The following ST18 variants were observed in gnomAD, a reference collection of about 807,000 sequenced individuals.
ST18 encodes suppression of tumorigenicity 18 protein.
In ST18, 50 loss-of-function variants were observed where a neutral mutation model predicts 110.0. The observed-to-expected ratio is 0.45, with a 90% CI of 0.36 to 0.58. ST18 has a LOEUF of 0.58. Among genes scored for constraint, ST18 ranks in the 20% least tolerant of loss-of-function variants. ST18 has a pLI of 0.00. For synonymous variants in ST18, 461 were observed against 452.4 expected (o/e 1.02, Z -0.24); for missense variants, 1,306 against 1,280.1 (o/e 1.02, Z -0.31).
chr8:52,403,891 C>T (rs1321780577), intron 2 of ST18: 3 of 152,084 alleles, frequency 2.0e-5, no homozygotes, highest in Non-Finnish European at 4.4e-5. Flanking sequence ...AGAACAGAAA[C>T]ACTGGTGATC....
intron 2 of ST18, among the ~76,000 whole-genome samples, chr8:52,311,467 C>A (rs1336443572): frequency 6.6e-6 from 1 of 152,170 alleles, no homozygotes; most frequent in East Asian, 1.9e-4. Context: ...ATCAAAAAAT[C>A]TTCTAATGAT....
At chr8:52,367,193 G>T (rs1188077883) in intron 2 of ST18, among the ~76,000 whole-genome samples, 1 of 150,786 alleles carries the variant, frequency 6.6e-6, no homozygotes, top group Non-Finnish European at 1.5e-5. Context: ...AGCAGAGATC[G>T]TGCCAGTGCA....
At chr8:52,304,211 G>T (rs1292906755) in intron 2 of ST18, among the ~76,000 whole-genome samples, 1 of 152,154 alleles carries the variant, frequency 6.6e-6, no homozygotes, top group African/African-American at 2.4e-5. Flanking sequence ...GGAACAATCT[G>T]TATGTTTAAA....
At chr8:52,250,115 G>A (rs2094171213) in intron 2 of ST18, among the ~76,000 whole-genome samples, 1 of 151,998 alleles carries the variant, frequency 6.6e-6, no homozygotes, top group African/African-American at 2.4e-5. Flanking sequence ...CTGTCCATAA[G>A]TATCAGAGAG....
intron 2 of ST18, among the ~76,000 whole-genome samples, chr8:52,355,624 T>G (rs1006718807): frequency 6.6e-6 from 1 of 152,202 alleles, no homozygotes; most frequent in Non-Finnish European, 1.5e-5. Flanking sequence ...CAAAAACTTA[T>G]GACAATGAGT....
At chr8:52,320,409 A>G (rs1336962884) in intron 2 of ST18, among the ~76,000 whole-genome samples, 1 of 152,204 alleles carries the variant, frequency 6.6e-6, no homozygotes, top group Non-Finnish European at 1.5e-5. Context: ...ATAAAATTGA[A>G]TTTAAAAATA....
rs1043873709 is a variant in ST18, at chr8:52,116,414, G to A, written c.2864C>T (p.Thr955Ile). 6.2e-7 allele frequency: 1 copy of A among 1,612,118 alleles called. No individual in the cohort carries two copies. Among genetic ancestry groups the A allele is most frequent in the African/African-American group, 1.3e-5 (1 of 74,822 alleles). Reference sequence around the variant, plus strand: ...CGTCTTTAAGTTGCTCTCCATAGATGTGATCTACAACAGAAATAACTTGGG... The same window carrying A: ...CGTCTTTAAGTTGCTCTCCATAGATATGATCTACAACAGAAATAACTTGGG... ...ADMMKLQTQI[T>I]SMESNLKTIE... Residue 955 changes from threonine (T) to isoleucine (I), a missense_variant, in exon 25 of 26, where the codon ACA (threonine) becomes ATA (isoleucine). Physicochemically the swap from Thr to Ile is moderately conservative, Grantham distance 89. Transcript: ENST00000689386.
At chr8:52,265,354 G>C (rs1341315952) in intron 2 of ST18, among the ~76,000 whole-genome samples, 2 of 136,708 alleles carry the variant, frequency 1.5e-5, no homozygotes, top group African/African-American at 7.5e-5. Context: ...TGGATTTACT[G>C]TAAGTGTGAT....
At chr8:52,373,710 G>T (rs1831092372) in intron 2 of ST18, among the ~76,000 whole-genome samples, 1 of 152,152 alleles carries the variant, frequency 6.6e-6, no homozygotes, top group African/African-American at 2.4e-5. Context: ...TTCAGGGTCA[G>T]TTATTCTAAT....
chr8:52,321,447 C>T (rs1449081929), intron 2 of ST18, among the ~76,000 whole-genome samples: 3 of 152,192 alleles, frequency 2.0e-5, no homozygotes, highest in Non-Finnish European at 2.9e-5. Context: ...TCTAAAGGAT[C>T]AATTTTAATC....
At chr8:52,327,044 T>C (rs1806783688) in intron 2 of ST18, among the ~76,000 whole-genome samples, 1 of 152,226 alleles carries the variant, frequency 6.6e-6, no homozygotes, top group South Asian at 2.1e-4. Context: ...CTTGGTTTTG[T>C]TGTTACTTGG....
intron 2 of ST18, among the ~76,000 whole-genome samples, chr8:52,408,100 C>T (rs1165055697): frequency 6.6e-6 from 1 of 152,070 alleles, no homozygotes; most frequent in Non-Finnish European, 1.5e-5. Context: ...AGTTTGGTTA[C>T]AAAGTCAGTA....
At chr8:52,156,771 G>A (rs1009728910) in intron 15 of ST18, among the ~76,000 whole-genome samples, 1 of 151,088 alleles carries the variant, frequency 6.6e-6, no homozygotes, top group Non-Finnish European at 1.5e-5. Flanking sequence ...GTGTGTGCAT[G>A]CACTGGCAGA....
intron 2 of ST18, among the ~76,000 whole-genome samples, chr8:52,253,336 G>A (rs2094407744): frequency 6.6e-6 from 1 of 152,040 alleles, no homozygotes; most frequent in African/African-American, 2.4e-5. Context: ...ATATTTCATT[G>A]AAATCATCCT....
intron 2 of ST18, among the ~76,000 whole-genome samples, chr8:52,249,981 A>C (rs1347758512): frequency 6.6e-6 from 1 of 150,924 alleles, no homozygotes; most frequent in Non-Finnish European, 1.5e-5. Context: ...CCCCAGCCCT[A>C]CCCCCTACCC....
intron 2 of ST18, among the ~76,000 whole-genome samples, chr8:52,326,750 G>T (rs926820912): frequency 6.6e-6 from 1 of 152,174 alleles, no homozygotes; most frequent in African/African-American, 2.4e-5. Context: ...ATTATTGCAG[G>T]TCTCCTACCA....
At chr8:52,240,222 T>G (rs970963000) in intron 2 of ST18, among the ~76,000 whole-genome samples, 1 of 152,170 alleles carries the variant, frequency 6.6e-6, no homozygotes, top group African/African-American at 2.4e-5. Context: ...CCAACATCAA[T>G]TATATATAAT....
intron 15 of ST18, 49 bp from the exon 16 acceptor site, chr8:52,150,026 A>G: frequency 6.4e-7 from 1 of 1,569,502 alleles, no homozygotes; most frequent in South Asian, 1.2e-5. Flanking sequence ...TTGCAGTTAC[A>G]GCCTAGCCAT....
intron 2 of ST18, among the ~76,000 whole-genome samples, chr8:52,338,053 C>CATTT (rs1391749196): frequency 6.6e-6 from 1 of 152,002 alleles, no homozygotes; most frequent in Non-Finnish European, 1.5e-5. Context: ...AAATTTTATT[C>CATTT]ATTTATTTAT....
Sources: gnomAD v4.1 joint callset for allele counts (sites outside exome capture counted in the v4.1 genomes callset) on GRCh38, gnomAD v4.1.1 for gene constraint, MANE v1.5 for transcripts, NCBI Gene and HGNC (gene_info 2026-07-23, HGNC 2026-07-21) for gene names.